The following KIAA1549 variants were observed in gnomAD, a reference collection of about 807,000 sequenced individuals.
KIAA1549 encodes KIAA1549, also known as UPF0606 protein KIAA1549.
Under a neutral mutation model 156.4 loss-of-function variants are expected in KIAA1549, and 70 were observed. The observed-to-expected ratio is 0.45, with a 90% CI of 0.37 to 0.55. The LOEUF is 0.55. Ranked by LOEUF, KIAA1549 falls within the 20% of genes least tolerant of loss-of-function variation. The pLI is 0.00. For synonymous variants in KIAA1549, 1,103 were observed against 1,066.4 expected (o/e 1.03, Z -0.67); for missense variants, 2,428 against 2,540.9 (o/e 0.96, Z 0.96).
intron 10 of KIAA1549, among the ~76,000 whole-genome samples, chr7:138,884,150 AGGGCAG>A (rs1811325498): frequency 6.6e-6 from 1 of 152,198 alleles, no homozygotes; most frequent in Admixed American, 6.5e-5. Context: ...AAAACGCAAA[AGGGCAG>A]GGTCCAGGGA....
chr7:138,907,415 G>A (rs1358781113), intron 5 of KIAA1549, among the ~76,000 whole-genome samples: 1 of 152,170 alleles, frequency 6.6e-6, no homozygotes, highest in Non-Finnish European at 1.5e-5. Context: ...AAGAAAACTA[G>A]AGATTCCGTC....
intron 1 of KIAA1549, among the ~76,000 whole-genome samples, chr7:138,969,984 A>T (rs898065045): frequency 6.6e-6 from 1 of 152,222 alleles, no homozygotes; most frequent in African/African-American, 2.4e-5. Flanking sequence ...CAATCCAATT[A>T]TACTAGCTGT....
chr7:138,971,678 G>A (rs925402208), intron 1 of KIAA1549, among the ~76,000 whole-genome samples: 27 of 152,122 alleles, frequency 1.8e-4, no homozygotes, highest in Non-Finnish European at 2.6e-4. Context: ...TTGAGAAACC[G>A]TCTTACAGCT....
At chr7:138,945,161 A>G (rs1367165201) in intron 1 of KIAA1549, among the ~76,000 whole-genome samples, 1 of 152,188 alleles carries the variant, frequency 6.6e-6, no homozygotes, top group Non-Finnish European at 1.5e-5. Context: ...CTCACAGAGG[A>G]GTCCTGCTCT....
intron 1 of KIAA1549, among the ~76,000 whole-genome samples, chr7:138,976,874 G>C (rs2130580787): frequency 6.6e-6 from 1 of 152,306 alleles, no homozygotes; most frequent in South Asian, 2.1e-4. Context: ...GTCTAATTTA[G>C]AGGCTAAGGG....
chr7:138,861,032 C>T, intron 16 of KIAA1549, 107 bp downstream of exon 16: 1 of 1,104,610 alleles, frequency 9.1e-7, no homozygotes, highest in Non-Finnish European at 1.3e-6. Flanking sequence ...AGTTTTAATT[C>T]TTATCAAATG....
intron 6 of KIAA1549, among the ~76,000 whole-genome samples, chr7:138,905,811 T>C (rs538900618): frequency 1.2e-4 from 19 of 152,336 alleles, no homozygotes; most frequent in South Asian, 1.0e-3. Context: ...TTTTCACTTA[T>C]TGTTTTTATT....
At chr7:138,911,015 G>C (rs1244651348) in intron 4 of KIAA1549, 131 bp downstream of exon 4, 2 of 759,022 alleles carry the variant, frequency 2.6e-6, no homozygotes, top group East Asian at 2.8e-5. Context: ...CTGGGCAACA[G>C]ACTGAGATCC....
intron 15 of KIAA1549, among the ~76,000 whole-genome samples, chr7:138,866,531 G>A (rs991276089): frequency 2.0e-5 from 3 of 152,192 alleles, no homozygotes; most frequent in African/African-American, 4.8e-5. Context: ...GCCTCCAGGA[G>A]GTGAAAGGGG....
intron 14 of KIAA1549, 118 bp downstream of exon 14, chr7:138,869,420 G>T: frequency 2.6e-6 from 2 of 774,024 alleles, no homozygotes; most frequent in Non-Finnish European, 4.2e-6. Flanking sequence ...ACGTGAACAC[G>T]GATGGGGTCC....
At chr7:138,927,005 A>G (rs1812738569) in intron 1 of KIAA1549, among the ~76,000 whole-genome samples, 1 of 152,168 alleles carries the variant, frequency 6.6e-6, no homozygotes, top group African/African-American at 2.4e-5. Flanking sequence ...GTCTGACTAC[A>G]TGTATGTAGC....
intron 12 of KIAA1549, among the ~76,000 whole-genome samples, chr7:138,871,616 T>G (rs1810941427): frequency 6.6e-6 from 1 of 152,198 alleles, no homozygotes; most frequent in Non-Finnish European, 1.5e-5. Context: ...TATGATACTG[T>G]GTGAAAAACT....
chr7:138,896,206 G>A (rs1811680256), intron 9 of KIAA1549, among the ~76,000 whole-genome samples: 2 of 152,196 alleles, frequency 1.3e-5, no homozygotes, highest in Non-Finnish European at 2.9e-5. Context: ...CATGGGCAGG[G>A]ACTAAGTCTT....
At chr7:138,866,586 G>A (rs189007990) in intron 15 of KIAA1549, among the ~76,000 whole-genome samples, 2 of 152,268 alleles carry the variant, frequency 1.3e-5, no homozygotes, top group Middle Eastern at 3.4e-3. Flanking sequence ...AGTTTAGGAC[G>A]CCCTGTGTTT....
intron 1 of KIAA1549, among the ~76,000 whole-genome samples, chr7:138,939,362 T>C (rs1813107382): frequency 6.6e-6 from 1 of 152,194 alleles, no homozygotes; most frequent in African/African-American, 2.4e-5. Context: ...GTACATACAA[T>C]GCTTTTGGTT....
chr7:138,903,860 C>CGTGT, intron 7 of KIAA1549, 124 bp from the exon 8 acceptor site: 1 of 628,456 alleles, frequency 1.6e-6, no homozygotes, highest in Non-Finnish European at 2.6e-6. Context: ...TGTGCGCGCG[C>CGTGT]GCGCGCGCGC....
At chr7:138,962,172 A>G (rs1813873770) in intron 1 of KIAA1549, among the ~76,000 whole-genome samples, 1 of 152,240 alleles carries the variant, frequency 6.6e-6, no homozygotes, top group Non-Finnish European at 1.5e-5. Flanking sequence ...ATACATATCA[A>G]CTTCCTAGAA....
intron 1 of KIAA1549, among the ~76,000 whole-genome samples, chr7:138,965,349 CCTGA>C (rs1301442853): frequency 2.0e-5 from 3 of 152,198 alleles, no homozygotes; most frequent in African/African-American, 2.4e-5. Context: ...TGCCACGATG[CCTGA>C]CTAATTTTTG....
intron 1 of KIAA1549, among the ~76,000 whole-genome samples, chr7:138,956,216 G>T (rs918634512): frequency 2.0e-5 from 3 of 152,204 alleles, no homozygotes; most frequent in African/African-American, 7.2e-5. Context: ...CATGGAACAG[G>T]TCTGGAATGA....
Sources: allele counts gnomAD v4.1 joint callset (sites outside exome capture counted in the v4.1 genomes callset), GRCh38; gene constraint gnomAD v4.1.1; transcripts MANE v1.5; gene names NCBI Gene and HGNC (gene_info 2026-07-23, HGNC 2026-07-21).